Variants in PSMA1 observed in about 807,000 individuals in gnomAD.
PSMA1 encodes proteasome subunit alpha type-1.
PSMA1 carries 3 observed loss-of-function variants against 38.4 expected under a neutral mutation model. The ratio of observed to expected loss-of-function variants is 0.08; its 90% CI spans 0.04 to 0.20. The LOEUF is 0.20. PSMA1 is among the 10% of genes least tolerant of loss of function. The pLI is 1.00. For missense variants in PSMA1, 227 were observed against 325.3 expected (o/e 0.70, Z 2.32); for synonymous variants, 101 against 107.1 (o/e 0.94, Z 0.35).
rs577818631 is a variant in PSMA1, at chr11:14,569,238, G to A, written c.21+41728C>T. Among the ~76,000 whole-genome samples, 3 of 152,054 alleles carry A rather than the reference G, an allele frequency of 2.0e-5. No individual in the cohort carries two copies. The East Asian group carries it at 5.8e-4, about 29-fold the overall frequency. On this transcript the variant is annotated intron_variant, in intron 2 of 10. Coordinates refer to the PSMA1 transcript ENST00000418988. ...TTGCTGCTTAGAAATTTCTTCTGCTGGGGGGAGGTTCAAAGATGGCCAAAT... is the reference window on the plus strand; with the variant it reads ...TTGCTGCTTAGAAATTTCTTCTGCTAGGGGGAGGTTCAAAGATGGCCAAAT...
chr11:14,589,588 C>T (rs768548336), intron 2 of PSMA1, among the ~76,000 whole-genome samples: 2 of 151,942 alleles, frequency 1.3e-5, no homozygotes, highest in African/African-American at 4.8e-5. Flanking sequence ...AAAGAGCATA[C>T]GTGCTTCAGA....
chr11:14,518,060 T>C, intron 2 of PSMA1, 79 bp from the exon 3 acceptor site: 2 of 1,043,884 alleles, frequency 1.9e-6, no homozygotes, highest in Non-Finnish European at 2.7e-6. Context: ...AAATATCAGG[T>C]GAGCACAGTT....
At chr11:14,508,732 G>A (rs1048231909) in intron 8 of PSMA1, among the ~76,000 whole-genome samples, 2 of 151,970 alleles carry the variant, frequency 1.3e-5, no homozygotes, top group South Asian at 2.1e-4. Flanking sequence ...GCAATTCCTC[G>A]TCTCCCATTC....
chr11:14,599,561 GTT>G (rs1852552770), intron 2 of PSMA1, among the ~76,000 whole-genome samples: 1 of 152,150 alleles, frequency 6.6e-6, no homozygotes, highest in Non-Finnish European at 1.5e-5. Flanking sequence ...GCATCACGAA[GTT>G]CTCGTACCAT....
rs181973878 is a variant in PSMA1 at position 14,567,331 on chromosome 11, T to C, written c.21+43635A>G. ...TTGGTCTATGCTCCCAGGATAAAGATGAGACATTTGGCTGGAAGTTTCTTG... is the reference window on the plus strand; with the variant it reads ...TTGGTCTATGCTCCCAGGATAAAGACGAGACATTTGGCTGGAAGTTTCTTG... On this transcript the variant is annotated intron_variant, in intron 2 of 10. Transcript: ENST00000418988. Among the ~76,000 whole-genome samples, 5 of 152,354 alleles carry C rather than the reference T, an allele frequency of 3.3e-5. No individual in the cohort carries two copies. In the East Asian group the frequency reaches 7.7e-4, roughly 23 times the overall value.
intron 2 of PSMA1, among the ~76,000 whole-genome samples, chr11:14,590,047 C>A (rs1852392427): frequency 6.6e-6 from 1 of 152,176 alleles, no homozygotes; most frequent in Admixed American, 6.5e-5. Context: ...CATGCTACAA[C>A]ATGGATGAAC....
intron 2 of PSMA1, among the ~76,000 whole-genome samples, chr11:14,576,695 G>C (rs767499541): frequency 9.2e-5 from 14 of 152,166 alleles, no homozygotes; most frequent in Non-Finnish European, 1.6e-4. Flanking sequence ...TTGTAGTATA[G>C]TTTGAAGTCA....
In PSMA1 at chr11:14,630,522, G is replaced by A. The variant is rs985854052; in HGVS notation, c.-166+12933C>T. Among the ~76,000 whole-genome samples the A allele has an allele frequency of 7.1e-3, 1,083 of 151,718 alleles. 5 individuals carry two copies. Among genetic ancestry groups the A allele is most frequent in the African/African-American group, 0.017 (687 of 41,286 alleles). The stretch of plus-strand genomic sequence containing the variant: ...GCATCCCAGGGATGAAGCCCACTTG[G>A]TCATGGTGGATAAGCTTTTTGATGT... On this transcript the variant is annotated intron_variant, in intron 1 of 10. Transcript: ENST00000418988.
chr11:14,611,073 G>A (rs188590307), exon 2 of PSMA1: 3 of 1,379,988 alleles, frequency 2.2e-6, no homozygotes, highest in African/African-American at 2.9e-5. Flanking sequence ...CAGCCTTGGA[G>A]GGCCAAGGCC....
At chr11:14,603,950 C>T (rs904256391) in intron 2 of PSMA1, among the ~76,000 whole-genome samples, 1 of 152,196 alleles carries the variant, frequency 6.6e-6, no homozygotes, top group Non-Finnish European at 1.5e-5. Context: ...AAGACTGATG[C>T]TTAACTCTCT....
At chr11:14,609,528 G>A (rs1185301838) in intron 2 of PSMA1, among the ~76,000 whole-genome samples, 3 of 152,190 alleles carry the variant, frequency 2.0e-5, no homozygotes, top group Admixed American at 6.5e-5. Flanking sequence ...ATGAGATGTT[G>A]AGAGGGGATT....
intron 1 of PSMA1, among the ~76,000 whole-genome samples, chr11:14,625,089 T>C (rs905213467): frequency 6.6e-6 from 1 of 152,226 alleles, no homozygotes; most frequent in Non-Finnish European, 1.5e-5. Flanking sequence ...GGAGGATGTG[T>C]TCCCTAAATT....
intron 2 of PSMA1, among the ~76,000 whole-genome samples, chr11:14,533,752 C>T (rs1445779518): frequency 6.6e-6 from 1 of 151,902 alleles, no homozygotes; most frequent in Non-Finnish European, 1.5e-5. Flanking sequence ...CCTCTTTCAC[C>T]TCCCTCTTCT....
chr11:14,606,077 G>A (rs1852639051), intron 2 of PSMA1, among the ~76,000 whole-genome samples: 1 of 152,222 alleles, frequency 6.6e-6, no homozygotes, highest in South Asian at 2.1e-4. Context: ...TAGGGGCTCA[G>A]TTTCATTGCC....
intron 2 of PSMA1, among the ~76,000 whole-genome samples, chr11:14,561,809 TTAAACTAAACTAAACTAAACTAAAC>T (rs71044010): frequency 1.1e-4 from 16 of 147,930 alleles, no homozygotes; most frequent in South Asian, 2.2e-4. Flanking sequence ...CTAAACTAAA[TTAAACTAAACTAAACTAAACTAAAC>T]TAAACTAAAC....
rs772171860 is a variant in PSMA1 at position 14,505,077 on chromosome 11, A to G, written c.*115T>C. Reference sequence around the variant, plus strand: ...AACTCACATCTGGACTGATTCCTAAAACATAGCATTCCACCACTCTGCAAC... The same window carrying G: ...AACTCACATCTGGACTGATTCCTAAGACATAGCATTCCACCACTCTGCAAC... On this transcript the variant is annotated 3_prime_UTR_variant, in exon 10 of 10. Transcript: ENST00000396394. 2.4e-5 allele frequency: 23 copies of G among 949,748 alleles called. No homozygotes were observed. The highest frequency in any genetic ancestry group is 3.1e-4 in the Middle Eastern group (1 of 3,220). The allele number at this position is 949,748 out of a possible 1,614,324, so 58.8% of individuals were successfully genotyped here. A position where few individuals can be genotyped will look rare whatever the true frequency, so the allele number is the denominator to read the frequency against.
At chr11:14,521,331 T>TAAG (rs66563523), upstream of PSMA1, among the ~76,000 whole-genome samples, 17 of 132,222 alleles carry the variant, frequency 1.3e-4, no homozygotes, top group Admixed American at 3.1e-4. Context: ...AGAATAAGAA[T>TAAG]AATAAAAAAA....
chr11:14,510,313 A>C (rs993508673), intron 8 of PSMA1, among the ~76,000 whole-genome samples: 1 of 151,992 alleles, frequency 6.6e-6, no homozygotes, highest in African/African-American at 2.4e-5. Flanking sequence ...TACCTCCTTT[A>C]TATCTTTTCC....
At chr11:14,595,036 G>T (rs926510879) in intron 2 of PSMA1, among the ~76,000 whole-genome samples, 1 of 151,306 alleles carries the variant, frequency 6.6e-6, no homozygotes, top group African/African-American at 2.4e-5. Flanking sequence ...ATGACAGTTT[G>T]CTGAGAATGG....
Sources: gnomAD v4.1 joint callset for allele counts (sites outside exome capture counted in the v4.1 genomes callset) on GRCh38, gnomAD v4.1.1 for gene constraint, MANE v1.5 for transcripts, NCBI Gene and HGNC (gene_info 2026-07-23, HGNC 2026-07-21) for gene names.